The following SIK2 variants were observed in gnomAD, a reference collection of about 807,000 sequenced individuals.
SIK2 encodes salt inducible kinase 2.
In SIK2, 29 loss-of-function variants were observed where a neutral mutation model predicts 103.2. The observed-to-expected ratio is 0.28, with a 90% CI of 0.21 to 0.38. The LOEUF (loss-of-function observed/expected upper bound fraction) is 0.38, where lower values mean the gene tolerates loss of function less well. Among genes scored for constraint, SIK2 ranks in the 10% least tolerant of loss-of-function variants. The pLI, the probability that SIK2 is intolerant of heterozygous loss-of-function variation, is 1.00. For synonymous variants in SIK2, 412 were observed against 446.1 expected (o/e 0.92, Z 0.96); for missense variants, 879 against 1,171.0 (o/e 0.75, Z 3.64).
chr11:111,644,814 T>G (rs992831824), intron 3 of SIK2, among the ~76,000 whole-genome samples: 5 of 152,242 alleles, frequency 3.3e-5, no homozygotes, highest in African/African-American at 9.6e-5. Flanking sequence ...TATGTATCCA[T>G]TTTTTATATA....
chr11:111,624,238 T>C (rs963199645), intron 3 of SIK2, among the ~76,000 whole-genome samples: 2 of 152,242 alleles, frequency 1.3e-5, no homozygotes, highest in African/African-American at 4.8e-5. Context: ...TCTAAATAAA[T>C]AGTTCTGACT....
intron 3 of SIK2, 64 bp downstream of exon 3, chr11:111,620,466 A>T: frequency 9.7e-7 from 1 of 1,030,256 alleles, no homozygotes; most frequent in Non-Finnish European, 1.5e-6. Context: ...TGAATGGGGT[A>T]TTTTCTGTTA....
chr11:111,617,859 TATAC>T (rs1420752012), intron 2 of SIK2, among the ~76,000 whole-genome samples: 24 of 150,906 alleles, frequency 1.6e-4, no homozygotes, highest in Admixed American at 2.6e-4. Flanking sequence ...TGTATATATA[TATAC>T]ACACACACAC....
intron 6 of SIK2, among the ~76,000 whole-genome samples, chr11:111,702,487 G>A (rs1043409839): frequency 6.6e-6 from 1 of 152,174 alleles, no homozygotes; most frequent in Non-Finnish European, 1.5e-5. Flanking sequence ...TACTCAGGAA[G>A]CTGAGGCAGA....
chr11:111,661,308 C>A (rs147632913), intron 3 of SIK2, among the ~76,000 whole-genome samples: 242 of 152,108 alleles, frequency 1.6e-3, no homozygotes, highest in African/African-American at 5.2e-3. Context: ...TTTTTATAAG[C>A]CTTATTGCTA....
intron 1 of SIK2, among the ~76,000 whole-genome samples, chr11:111,613,026 T>C (rs1359618781): frequency 6.6e-6 from 1 of 151,146 alleles, no homozygotes; most frequent in African/African-American, 2.4e-5. Flanking sequence ...ATTTGAGTTA[T>C]TTTGTTAAGA....
chr11:111,703,488 T>C (rs1414750931), intron 7 of SIK2, 65 bp downstream of exon 7: 24 of 1,443,740 alleles, frequency 1.7e-5, no homozygotes, highest in South Asian at 3.5e-5. Context: ...TGCTCACACC[T>C]GTCATCCTGG....
chr11:111,662,848 A>C (rs1425811014), intron 3 of SIK2, among the ~76,000 whole-genome samples: 2 of 152,186 alleles, frequency 1.3e-5, no homozygotes, highest in East Asian at 3.9e-4. Context: ...ATTGCACTCC[A>C]GCCTGGGAGA....
Position 111,720,660 on chromosome 11 carries a change from C to G in SIK2, c.1678C>G (p.Pro560Ala). Reference sequence around the variant, plus strand: ...CTTCATAAGCCTGAGACCTACCAACCCAGCCATGCAGGCTCTGAGCTCCCA... The same window carrying G: ...CTTCATAAGCCTGAGACCTACCAACGCAGCCATGCAGGCTCTGAGCTCCCA... ...SPFISLRPTNPAMQALSSQKR... is the reference protein window; with the variant it reads ...SPFISLRPTNAAMQALSSQKR... Residue 560 changes from proline to alanine, a missense_variant, in exon 11 of 15, where the codon CCA becomes GCA. Around this residue, in one of 7 missense-constraint regions of SIK2, gnomAD observed 222 missense variants for 258.0 expected, o/e 0.86. Coordinates refer to ENST00000304987, the MANE Select transcript of SIK2 (RefSeq NM_015191.3). 1 of 1,614,100 alleles carries G rather than the reference C, an allele frequency of 6.2e-7. No homozygotes were observed. Among genetic ancestry groups the G allele is most frequent in the Non-Finnish European group, 8.5e-7 (1 of 1,180,012 alleles).
intron 8 of SIK2, among the ~76,000 whole-genome samples, chr11:111,709,521 C>CTA (rs1446789802): frequency 1.3e-5 from 2 of 152,226 alleles, no homozygotes; most frequent in African/African-American, 4.8e-5. Flanking sequence ...AAGCACTAAA[C>CTA]ATGTGGTCTA....
At chr11:111,721,996 C>G (rs765666688) in intron 13 of SIK2, 56 bp downstream of exon 13, 5 of 1,376,844 alleles carry the variant, frequency 3.6e-6, no homozygotes, top group Admixed American at 4.8e-5. Flanking sequence ...ATCTGTTCTT[C>G]TGCAAAGCAG....
intron 1 of SIK2, among the ~76,000 whole-genome samples, chr11:111,614,879 C>G (rs888742473): frequency 1.1e-4 from 17 of 152,186 alleles, no homozygotes; most frequent in Non-Finnish European, 2.9e-5. Context: ...TGGCTCACGC[C>G]TGAAATCCCA....
At chr11:111,629,389 C>G (rs895068808) in intron 3 of SIK2, among the ~76,000 whole-genome samples, 4 of 152,278 alleles carry the variant, frequency 2.6e-5, no homozygotes, top group Non-Finnish European at 5.9e-5. Context: ...TACTTTAGCA[C>G]CTGTCAAGAA....
intron 3 of SIK2, among the ~76,000 whole-genome samples, chr11:111,657,601 C>G (rs1192461757): frequency 6.6e-6 from 1 of 152,018 alleles, no homozygotes; most frequent in African/African-American, 2.4e-5. Context: ...GTTGCCCAGG[C>G]TGGCCTCGAG....
At chr11:111,650,234 T>A (rs928185644) in intron 3 of SIK2, among the ~76,000 whole-genome samples, 1 of 152,054 alleles carries the variant, frequency 6.6e-6, no homozygotes, top group African/African-American at 2.4e-5. Context: ...AGATTTCAAC[T>A]CATGACTTGA....
intron 3 of SIK2, among the ~76,000 whole-genome samples, chr11:111,638,752 C>T (rs1199433613): frequency 6.6e-6 from 1 of 152,028 alleles, no homozygotes; most frequent in Non-Finnish European, 1.5e-5. Context: ...GTTGTAATAA[C>T]TATTTTAACA....
At chr11:111,636,648 C>T (rs1333791737) in intron 3 of SIK2, among the ~76,000 whole-genome samples, 1 of 152,166 alleles carries the variant, frequency 6.6e-6, no homozygotes, top group East Asian at 1.9e-4. Context: ...GAAAGCCTCT[C>T]TTATACATAC....
chr11:111,651,424 T>C (rs564021839), intron 3 of SIK2, among the ~76,000 whole-genome samples: 1 of 152,130 alleles, frequency 6.6e-6, no homozygotes, highest in Non-Finnish European at 1.5e-5. Flanking sequence ...AGCAAACTAA[T>C]GCCGGAACAA....
chr11:111,680,283 C>T (rs1942760661), intron 3 of SIK2, among the ~76,000 whole-genome samples: 2 of 152,106 alleles, frequency 1.3e-5, no homozygotes, highest in South Asian at 4.2e-4. Flanking sequence ...TTTTGATTAC[C>T]TTATTGGAGC....
Sources: allele counts gnomAD v4.1 joint callset (sites outside exome capture counted in the v4.1 genomes callset), GRCh38; gene constraint gnomAD v4.1.1; regional missense constraint gnomAD v4.1.1; transcripts MANE v1.5; gene names NCBI Gene and HGNC (gene_info 2026-07-23, HGNC 2026-07-21).